Variants in ADAP1 observed in about 807,000 individuals in gnomAD.
ADAP1 encodes arf-GAP with dual PH domain-containing protein 1.
Under a neutral mutation model 54.9 loss-of-function variants are expected in ADAP1, and 31 were observed. That is an observed-to-expected ratio of 0.56 (90% CI 0.42 to 0.76). ADAP1 has a LOEUF of 0.76. Among genes scored for constraint, ADAP1 ranks in the 30% least tolerant of loss-of-function variants. ADAP1 has a pLI of 0.00. For missense variants in ADAP1, 535 were observed against 512.4 expected (o/e 1.04, Z -0.42); for synonymous variants, 313 against 202.6 (o/e 1.55, Z -4.63).
In ADAP1 at chr7:954,401, G is replaced by C. The variant is rs948350289; in HGVS notation, c.77C>G (p.Ala26Gly). ...PGNARCADCG[A>G]PDPDWASYTL... ...CCCACCCGGCCCACACCTACCCGGG[G>C]CGCCGCAGTCCGCGCAGCGCGCGTT... Residue 26 changes from alanine to glycine, a missense_variant, in exon 1 of 11, where the codon GCC becomes GGC. Coordinates refer to ENST00000265846, the MANE Select transcript of ADAP1 (RefSeq NM_006869.4). 1 of 1,129,710 alleles carries C rather than the reference G, an allele frequency of 8.9e-7. No individual in the cohort carries two copies. Among genetic ancestry groups the C allele is most frequent in the African/African-American group, 1.7e-5 (1 of 59,290 alleles). 70.0% of individuals were successfully genotyped at this position (1,129,710 alleles called of 1,614,324 possible). A position where few individuals can be genotyped will look rare whatever the true frequency, so the allele number is the denominator to read the frequency against.
chr7:921,854 C>T (rs1023189587), intron 3 of ADAP1, among the ~76,000 whole-genome samples: 2 of 152,190 alleles, frequency 1.3e-5, no homozygotes, highest in African/African-American at 2.4e-5. Context: ...GTGCCAGGGA[C>T]GGCTTTGACA....
chr7:903,920 C>T (rs1365096193), intron 6 of ADAP1: 1 of 601,078 alleles, frequency 1.7e-6, no homozygotes, highest in Non-Finnish European at 2.7e-6. Context: ...CCTGTCTTCC[C>T]ATGCTGCCCG....
intron 1 of ADAP1, among the ~76,000 whole-genome samples, chr7:950,282 G>C (rs999691871): frequency 1.3e-5 from 2 of 152,066 alleles, no homozygotes; most frequent in African/African-American, 4.8e-5. Context: ...TCAGGAGATC[G>C]AGACCGTCCT....
In ADAP1 at chr7:915,513, C is replaced by A. The variant is rs1008311394; in HGVS notation, c.388+4455G>T. Among the ~76,000 whole-genome samples the A allele has an allele frequency of 2.6e-5, 4 of 152,226 alleles. No individual in the cohort carries two copies. The South Asian group carries it at 8.3e-4, about 32-fold the overall frequency. On this transcript the variant is annotated intron_variant, in intron 4 of 10. Coordinates refer to ENST00000265846, the MANE Select transcript of ADAP1 (RefSeq NM_006869.4). ...GCAAGGCCAAGGCCTTGGGCTCCGACCCTGCGAGCAAGCGTGTGCCTGAAA... is the reference window on the plus strand; with the variant it reads ...GCAAGGCCAAGGCCTTGGGCTCCGAACCTGCGAGCAAGCGTGTGCCTGAAA...
At chr7:904,454 T>C (rs1844991685) in intron 5 of ADAP1, among the ~76,000 whole-genome samples, 182 bp from the exon 6 acceptor site, 1 of 152,126 alleles carries the variant, frequency 6.6e-6, no homozygotes, top group Admixed American at 6.5e-5. Context: ...AGCACCTCCC[T>C]CCCAGGAGTG....
At position 949,332 on chromosome 7, in the gene ADAP1, G is replaced by T. The variant is rs28520526; in HGVS notation, c.82+5064C>A. On this transcript the variant is annotated intron_variant, in intron 1 of 10. Coordinates refer to ENST00000265846, the MANE Select transcript of ADAP1 (RefSeq NM_006869.4). ...CTTGGACCCCACCAAGTCCCTTCCT[G>T]TTTCCTCATTCTTTCATTTGCAAAA... 4.0e-3 allele frequency among the ~76,000 whole-genome samples: 609 copies of T among 152,352 alleles called. 3 individuals carry two copies. Among genetic ancestry groups the T allele is most frequent in the African/African-American group, 0.014 (589 of 41,582 alleles).
chr7:905,418 A>AGGGAAAGGAGAAAGGGAAAGGAGAAAG (rs71020538), intron 4 of ADAP1: 1 of 78,288 alleles, frequency 1.3e-5, no homozygotes, highest in East Asian at 3.9e-4. Flanking sequence ...AAAGGGAGAA[A>AGGGAAAGGAGAAAGGGAAAGGAGAAAG]GAGAAAGGAG....
rs770849087 is a variant in ADAP1, at chr7:945,428, C to G, written c.82+8968G>C. On this transcript the variant is annotated intron_variant, in intron 1 of 10. Coordinates refer to ENST00000265846, the MANE Select transcript of ADAP1 (RefSeq NM_006869.4). The surrounding 1 kb of genome is among the most constrained non-coding windows in gnomAD (Gnocchi z 4.2). ...CACTCGGGGCACTGAACCGTGGGGC[C>G]GGCCCTGCTTCTGCCCAGGACCACT... Among the ~76,000 whole-genome samples, 1 of 152,212 alleles carries G rather than the reference C, an allele frequency of 6.6e-6. No homozygotes were observed. The highest frequency in any genetic ancestry group is 1.5e-5 in the Non-Finnish European group (1 of 68,034).
chr7:929,790 C>A (rs1018177138), intron 2 of ADAP1, among the ~76,000 whole-genome samples: 23 of 151,936 alleles, frequency 1.5e-4, no homozygotes, highest in Non-Finnish European at 3.4e-4. Flanking sequence ...GATTATACCT[C>A]AACAAAGCTG....
chr7:926,416 G>T lies in ADAP1; in HGVS notation c.305+137C>A. The T allele has an allele frequency of 1.5e-6, 1 of 675,320 alleles. No individual in the cohort carries two copies. The highest frequency in any genetic ancestry group is 2.1e-5 in the South Asian group (1 of 47,762). 41.8% of individuals were successfully genotyped at this position (675,320 alleles called of 1,614,324 possible). A position where few individuals can be genotyped will look rare whatever the true frequency, so the allele number is the denominator to read the frequency against. On this transcript the variant is annotated intron_variant, in intron 3 of 10. Transcript: ENST00000265846. This position sits in a 1 kb window ranked among gnomAD's most constrained non-coding sequence, Gnocchi z 4.6. The stretch of plus-strand genomic sequence containing the variant: ...AGACACAGGCGGCACCTCGGGGTCT[G>T]GGGGACGCAGCTGCGGCTGGCTTCT...
intron 1 of ADAP1, among the ~76,000 whole-genome samples, chr7:937,404 T>G (rs1846804369): frequency 4.2e-5 from 1 of 23,904 alleles, no homozygotes; most frequent in African/African-American, 2.3e-4. Flanking sequence ...ACCTCTGGGA[T>G]TTGGGGGTCA....
In ADAP1 at chr7:938,281, A is replaced by G. The variant is rs1846839820; in HGVS notation, c.83-2776T>C. Reference sequence around the variant, plus strand: ...CTGCAGCCTCCAACGCCTGGGCTCAAGCGATCCTCCTGCCTCAGCCTTCCA... The same window carrying G: ...CTGCAGCCTCCAACGCCTGGGCTCAGGCGATCCTCCTGCCTCAGCCTTCCA... On this transcript the variant is annotated intron_variant, in intron 1 of 10. Coordinates refer to ENST00000265846, the MANE Select transcript of ADAP1 (RefSeq NM_006869.4). The surrounding 1 kb of genome is among the most constrained non-coding windows in gnomAD (Gnocchi z 4.4). 6.6e-6 allele frequency among the ~76,000 whole-genome samples: 1 copy of G among 152,136 alleles called. No individual in the cohort carries two copies. The highest frequency in any genetic ancestry group is 6.5e-5 in the Admixed American group (1 of 15,276).
At chr7:919,190 G>A (rs995844619) in intron 4 of ADAP1, among the ~76,000 whole-genome samples, 53 of 145,364 alleles carry the variant, frequency 3.6e-4, no homozygotes, top group Non-Finnish European at 7.0e-4. Context: ...GCAGGCCGGG[G>A]CCGCACCCTC....
intron 4 of ADAP1, among the ~76,000 whole-genome samples, chr7:910,916 C>T (rs1293399107): frequency 2.6e-5 from 4 of 152,178 alleles, no homozygotes; most frequent in Non-Finnish European, 5.9e-5. Flanking sequence ...AGGAGGCAAA[C>T]ACCGGAGCCC....
Position 900,013 on chromosome 7 carries a change from G to A in ADAP1, c.795+89C>T, listed in dbSNP as rs1394351094. On this transcript the variant is annotated intron_variant, in intron 8 of 10. Coordinates refer to ENST00000265846, the MANE Select transcript of ADAP1 (RefSeq NM_006869.4). ...CACCAGACACCAGTTTAAAACACAG[G>A]CGGCAGCTGGCAAGGCTGCTGCACT... The A allele has an allele frequency of 3.4e-6, 5 of 1,482,450 alleles. No individual in the cohort carries two copies. The African/African-American group carries it at 4.1e-5, about 12-fold the overall frequency. 91.8% of individuals were successfully genotyped at this position (1,482,450 alleles called of 1,614,324 possible). A position where few individuals can be genotyped will look rare whatever the true frequency, so the allele number is the denominator to read the frequency against.
intron 1 of ADAP1, among the ~76,000 whole-genome samples, chr7:935,826 G>T (rs2128108952): frequency 6.6e-6 from 1 of 152,320 alleles, no homozygotes; most frequent in East Asian, 1.9e-4. Flanking sequence ...GGGCTGGAGG[G>T]CACCCGGCAC....
At chr7:908,493 G>A (rs934121929) in intron 4 of ADAP1, among the ~76,000 whole-genome samples, 5 of 152,088 alleles carry the variant, frequency 3.3e-5, no homozygotes, top group African/African-American at 4.8e-5. Context: ...CCCCAGCCCC[G>A]TGCGCACAGC....
chr7:911,119 G>A (rs1189475953), intron 4 of ADAP1, among the ~76,000 whole-genome samples: 1 of 152,190 alleles, frequency 6.6e-6, no homozygotes, highest in Non-Finnish European at 1.5e-5. Flanking sequence ...CCTGCGGAGG[G>A]CTCCAGGTCC....
intron 1 of ADAP1, among the ~76,000 whole-genome samples, chr7:952,764 T>C (rs1340822616): frequency 2.0e-5 from 3 of 151,822 alleles, no homozygotes; most frequent in African/African-American, 4.8e-5. Flanking sequence ...GTCACTGAGG[T>C]CATGGACAGA....
Sources: gnomAD v4.1 joint callset for allele counts (sites outside exome capture counted in the v4.1 genomes callset) on GRCh38, gnomAD v4.1.1 for gene constraint, Gnocchi (gnomAD v3.1) non-coding constraint, MANE v1.5 for transcripts, NCBI Gene and HGNC (gene_info 2026-07-23, HGNC 2026-07-21) for gene names.